Variants in SH3BGR observed in about 807,000 individuals in gnomAD.
SH3BGR encodes the protein SH3 domain binding glutamate rich protein.
A neutral mutation model predicts 24.5 loss-of-function variants in SH3BGR; 29 were observed. That is an observed-to-expected ratio of 1.18 (90% CI 0.88 to 1.61). SH3BGR has a LOEUF of 1.61. Ranked by LOEUF, SH3BGR falls within the 40% of genes most tolerant of loss-of-function variation. The pLI, the probability that SH3BGR is intolerant of heterozygous loss-of-function variation, is 0.00. For missense variants in SH3BGR, 162 were observed against 205.8 expected, an observed-to-expected ratio of 0.79 and a Z score of 1.30; for synonymous variants, 55 against 65.7, an observed-to-expected ratio of 0.84 and a Z score of 0.79.
intron 1 of SH3BGR, among the ~76,000 whole-genome samples, chr21:39,457,001 T>C (rs989571210): frequency 3.3e-5 from 5 of 150,056 alleles, no homozygotes; most frequent in South Asian, 4.2e-4. Flanking sequence ...TGTATACTTA[T>C]TTATATAAAA....
At chr21:39,448,736 T>C (rs560567532), upstream of SH3BGR, among the ~76,000 whole-genome samples, 22 of 151,920 alleles carry the variant, frequency 1.4e-4, no homozygotes, top group African/African-American at 5.1e-4. Flanking sequence ...GGATGAGGGG[T>C]TAGTTACGTA....
At chr21:39,500,809 G>A (rs2078481942) in intron 4 of SH3BGR, among the ~76,000 whole-genome samples, 1 of 152,128 alleles carries the variant, frequency 6.6e-6, no homozygotes, top group Non-Finnish European at 1.5e-5. Context: ...GAAAGGGGCT[G>A]AGACCCACAC....
rs138773267 is a variant in SH3BGR, at chr21:39,452,141, G to A, written c.45G>A (p.Ala15=). 5.0e-6 allele frequency: 8 copies of A among 1,614,008 alleles called. No individual in the cohort carries two copies. Among genetic ancestry groups the A allele is most frequent in the Admixed American group, 1.7e-5 (1 of 59,990 alleles). ...TTGCTACATCTTCTGGGTCCATAGC[G>A]GTAGGTGTCTGGTGGACTCTTTCTT... ...VFVATSSGSI[A]IRKKQQEVVG... Residue 15 remains alanine, a splice_region_variant and synonymous_variant, in exon 1 of 7, where the codon GCG becomes GCA. Transcript: ENST00000333634.
intron 3 of SH3BGR, among the ~76,000 whole-genome samples, chr21:39,496,721 A>G (rs191028045): frequency 6.6e-6 from 1 of 152,134 alleles, no homozygotes; most frequent in East Asian, 1.9e-4. Flanking sequence ...TATCCCATTC[A>G]TGGTAGTGAT....
chr21:39,447,341 C>T (rs986173230), upstream of SH3BGR, among the ~76,000 whole-genome samples: 3 of 151,864 alleles, frequency 2.0e-5, no homozygotes, highest in East Asian at 5.8e-4. Flanking sequence ...CTCTTTTCTA[C>T]CAGCTTTTCC....
intron 2 of SH3BGR, among the ~76,000 whole-genome samples, chr21:39,468,479 C>T (rs528212818): frequency 6.6e-6 from 1 of 152,174 alleles, no homozygotes; most frequent in African/African-American, 2.4e-5. Context: ...TGCTTTGTCA[C>T]CCAGGCTGGA....
chr21:39,473,215 G>T (rs1185721124), intron 2 of SH3BGR, among the ~76,000 whole-genome samples: 1 of 152,186 alleles, frequency 6.6e-6, no homozygotes, highest in Non-Finnish European at 1.5e-5. Flanking sequence ...TGAAGCAAAA[G>T]ACTAGTTCAC....
At chr21:39,497,280 AATG>A (rs1277745431) in intron 3 of SH3BGR, among the ~76,000 whole-genome samples, 14 of 151,506 alleles carry the variant, frequency 9.2e-5, no homozygotes, top group Admixed American at 3.9e-4. Flanking sequence ...TGTAATGGGA[AATG>A]ATGATTTATA....
At chr21:39,510,666 G>A (rs1379144150) in intron 5 of SH3BGR, among the ~76,000 whole-genome samples, 2 of 151,582 alleles carry the variant, frequency 1.3e-5, no homozygotes, top group South Asian at 2.1e-4. Context: ...CAATATTTAC[G>A]TCTTTCCAAT....
chr21:39,478,103 C>T (rs751443840), intron 3 of SH3BGR, among the ~76,000 whole-genome samples: 8 of 152,078 alleles, frequency 5.3e-5, no homozygotes, highest in Non-Finnish European at 1.0e-4. Context: ...TTTCTCCTAA[C>T]AGACTATTTT....
At chr21:39,453,474 A>G (rs2077607717) in intron 1 of SH3BGR, among the ~76,000 whole-genome samples, 1 of 152,150 alleles carries the variant, frequency 6.6e-6, no homozygotes, top group African/African-American at 2.4e-5. Flanking sequence ...ATTGCTAAAA[A>G]CTTTACCTCT....
At chr21:39,450,260 G>A (rs2077558124), upstream of SH3BGR, among the ~76,000 whole-genome samples, 1 of 152,174 alleles carries the variant, frequency 6.6e-6, no homozygotes, top group African/African-American at 2.4e-5. Flanking sequence ...TAATTCTACT[G>A]ACTTAAATTT....
In SH3BGR at chr21:39,471,595, ATTTGTTG is replaced by A. The variant is rs1256390717; in HGVS notation, c.232-3533_232-3527del. Among the ~76,000 whole-genome samples the A allele has an allele frequency of 3.6e-5, 5 of 138,976 alleles. No individual in the cohort carries two copies. In the East Asian group the frequency reaches 9.8e-4, roughly 27 times the overall value. 91.2% of individuals were successfully genotyped at this position (138,976 alleles called of 152,430 possible). A position where few individuals can be genotyped will look rare whatever the true frequency, so the allele number is the denominator to read the frequency against. ...TTTCATCTTTTTTCCTCTCTAGATT[ATTTGTTG>A]TTTGTTTGTTTGTTTGTTTATTTAT... On this transcript the variant is annotated intron_variant, in intron 2 of 6. Coordinates refer to ENST00000333634, the MANE Select transcript of SH3BGR (RefSeq NM_007341.3).
chr21:39,475,562 T>C (rs1313328912), intron 3 of SH3BGR, among the ~76,000 whole-genome samples: 8 of 152,190 alleles, frequency 5.3e-5, no homozygotes, highest in Admixed American at 2.6e-4. Context: ...TGTTTTGAAT[T>C]GACTTCTCAT....
chr21:39,460,444 TTTTTA>T (rs544700574), intron 1 of SH3BGR, among the ~76,000 whole-genome samples: 288 of 152,288 alleles, frequency 1.9e-3, no homozygotes, highest in Admixed American at 6.5e-3. Flanking sequence ...TAAAGTATCT[TTTTTA>T]TTTTATTATT....
At chr21:39,464,937 G>A (rs2077815840) in intron 2 of SH3BGR, among the ~76,000 whole-genome samples, 1 of 151,980 alleles carries the variant, frequency 6.6e-6, no homozygotes, top group Admixed American at 6.6e-5. Flanking sequence ...AAATTAAGGT[G>A]ATTCAAAATG....
intron 1 of SH3BGR, among the ~76,000 whole-genome samples, chr21:39,458,102 T>C (rs1490527807): frequency 1.3e-5 from 2 of 152,172 alleles, no homozygotes; most frequent in Non-Finnish European, 2.9e-5. Flanking sequence ...CATCGAGATA[T>C]TAGATTTGGG....
chr21:39,498,140 G>A (rs1458887946), intron 3 of SH3BGR, among the ~76,000 whole-genome samples: 1 of 152,236 alleles, frequency 6.6e-6, no homozygotes, highest in Non-Finnish European at 1.5e-5. Flanking sequence ...TGTGCATACT[G>A]TGTTCCCATT....
intron 2 of SH3BGR, among the ~76,000 whole-genome samples, chr21:39,465,789 A>G (rs942194892): frequency 6.6e-6 from 1 of 152,094 alleles, no homozygotes; most frequent in Non-Finnish European, 1.5e-5. Flanking sequence ...ATAGGGTCTC[A>G]CTGTATTTCC....
Sources: gnomAD v4.1 joint callset for allele counts (sites outside exome capture counted in the v4.1 genomes callset) on GRCh38, gnomAD v4.1.1 for gene constraint, MANE v1.5 for transcripts, NCBI Gene and HGNC (gene_info 2026-07-23, HGNC 2026-07-21) for gene names.